Variants in PREX2 observed in about 807,000 individuals in gnomAD.
PREX2 encodes the protein phosphatidylinositol-3,4,5-trisphosphate dependent Rac exchange factor 2, also known as phosphatidylinositol 3,4,5-trisphosphate-dependent Rac exchanger 2 protein.
A neutral mutation model predicts 203.2 loss-of-function variants in PREX2; 107 were observed. The observed-to-expected ratio is 0.53, with a 90% CI of 0.45 to 0.62. The LOEUF (loss-of-function observed/expected upper bound fraction) is 0.62. Among genes scored for constraint, PREX2 ranks in the 20% least tolerant of loss-of-function variants. The pLI is 0.00. For missense variants in PREX2, 1,777 were observed against 1,955.9 expected, an observed-to-expected ratio of 0.91 and a Z score of 1.72; for synonymous variants, 672 against 663.6, an observed-to-expected ratio of 1.01 and a Z score of -0.19.
chr8:68,203,600 C>A (rs530279276), intron 37 of PREX2, among the ~76,000 whole-genome samples: 3 of 152,078 alleles, frequency 2.0e-5, no homozygotes, highest in Non-Finnish European at 2.9e-5. Context: ...AGCAGGTATT[C>A]CAGGAGCAGG....
At chr8:68,156,242 T>G (rs1333931589) in intron 34 of PREX2, among the ~76,000 whole-genome samples, 1 of 152,112 alleles carries the variant, frequency 6.6e-6, no homozygotes, top group Non-Finnish European at 1.5e-5. Flanking sequence ...TTAACTTTGT[T>G]TTTTTAGAGA....
intron 25 of PREX2, among the ~76,000 whole-genome samples, chr8:68,113,364 G>A (rs758175547): frequency 6.6e-6 from 1 of 151,838 alleles, no homozygotes; most frequent in Non-Finnish European, 1.5e-5. Flanking sequence ...GGCAAAATGA[G>A]AACTCCTGCA....
intron 35 of PREX2, chr8:68,177,296 A>T (rs896682013): frequency 1.3e-5 from 2 of 152,224 alleles, no homozygotes; most frequent in Admixed American, 6.5e-5. Context: ...GGTGGCTCAC[A>T]CCTGTAATCC....
At chr8:68,196,685 G>A (rs1302625735) in intron 37 of PREX2, among the ~76,000 whole-genome samples, 1 of 151,186 alleles carries the variant, frequency 6.6e-6, no homozygotes, top group Non-Finnish European at 1.5e-5. Context: ...ACCATCCCCA[G>A]TTTTCATGAG....
At chr8:68,073,299 T>TA (rs1809252208) in intron 14 of PREX2, among the ~76,000 whole-genome samples, 1 of 151,616 alleles carries the variant, frequency 6.6e-6, no homozygotes, top group Non-Finnish European at 1.5e-5. Flanking sequence ...TAACTGAACT[T>TA]ACTATTTTGG....
intron 35 of PREX2, among the ~76,000 whole-genome samples, chr8:68,173,329 A>G (rs867992444): frequency 4.9e-4 from 75 of 152,338 alleles, no homozygotes; most frequent in African/African-American, 1.8e-3. Flanking sequence ...ATTCATCAGC[A>G]TAGCCAAGGT....
chr8:68,018,200 G>A (rs116836742), intron 2 of PREX2, among the ~76,000 whole-genome samples: 1 of 151,998 alleles, frequency 6.6e-6, no homozygotes, highest in Non-Finnish European at 1.5e-5. Context: ...AGGTGTGGTG[G>A]CTTATGCCTG....
At chr8:68,003,097 T>C (rs1806990366) in intron 1 of PREX2, among the ~76,000 whole-genome samples, 2 of 152,216 alleles carry the variant, frequency 1.3e-5, no homozygotes, top group South Asian at 4.1e-4. Context: ...TTTTAAAAGA[T>C]TTCTGAAGAC....
At chr8:68,212,587 T>C (rs1812760069) in intron 37 of PREX2, among the ~76,000 whole-genome samples, 1 of 152,218 alleles carries the variant, frequency 6.6e-6, no homozygotes, top group Non-Finnish European at 1.5e-5. Context: ...CATTATAAAA[T>C]CCACAAAACA....
chr8:68,044,844 C>G (rs1808303962), intron 8 of PREX2, among the ~76,000 whole-genome samples: 1 of 151,890 alleles, frequency 6.6e-6, no homozygotes, highest in Non-Finnish European at 1.5e-5. Flanking sequence ...GAGTAGTGTC[C>G]CATGGCATTC....
chr8:68,229,167 T>C (rs1371266361), intron 39 of PREX2, among the ~76,000 whole-genome samples: 1 of 150,542 alleles, frequency 6.6e-6, no homozygotes, highest in Non-Finnish European at 1.5e-5. Context: ...AAAGGCACCA[T>C]CTATAGCATG....
chr8:68,158,361 A>T (rs569078330), intron 35 of PREX2, among the ~76,000 whole-genome samples: 2 of 152,056 alleles, frequency 1.3e-5, no homozygotes, highest in Non-Finnish European at 2.9e-5. Context: ...AGAACCTGAG[A>T]CAAAATTAGT....
intron 37 of PREX2, among the ~76,000 whole-genome samples, chr8:68,209,070 T>TAAAA (rs994362514): frequency 2.6e-5 from 3 of 115,046 alleles, no homozygotes; most frequent in East Asian, 2.4e-4. Context: ...TGGACTCATT[T>TAAAA]AAAAAAAAAA....
In PREX2 at chr8:67,996,465, A is replaced by G. The variant is rs151094526; in HGVS notation, c.142-21381A>G. 5.3e-3 allele frequency among the ~76,000 whole-genome samples: 814 copies of G among 152,152 alleles called. 4 individuals carry two copies. The highest frequency in any genetic ancestry group is 8.3e-3 in the Non-Finnish European group (564 of 68,004). ...TGCCTTGGCCCCTCAAAGTGCTGCT[A>G]TTATAGGCATGAGCCACCACACCTG... On this transcript the variant is annotated intron_variant, in intron 1 of 39. Transcript: ENST00000288368.
intron 9 of PREX2, 81 bp from the exon 10 acceptor site, chr8:68,055,749 A>T: frequency 7.6e-7 from 1 of 1,324,326 alleles, no homozygotes; most frequent in Non-Finnish European, 1.1e-6. Flanking sequence ...CCTGCAACAA[A>T]TGCTTGCTTA....
intron 23 of PREX2, among the ~76,000 whole-genome samples, chr8:68,101,759 A>T (rs929002652): frequency 4.6e-5 from 7 of 152,312 alleles, no homozygotes; most frequent in African/African-American, 1.7e-4. Flanking sequence ...TGGGTGTCAA[A>T]CTGGTCACCG....
intron 4 of PREX2, among the ~76,000 whole-genome samples, chr8:68,025,961 A>G (rs181950215): frequency 2.4e-4 from 37 of 152,250 alleles, no homozygotes; most frequent in African/African-American, 7.9e-4. Flanking sequence ...TGGCTGCTTT[A>G]CAGAGATGCT....
chr8:68,045,675 C>T (rs770962357), intron 8 of PREX2, among the ~76,000 whole-genome samples: 29 of 152,148 alleles, frequency 1.9e-4, no homozygotes, highest in South Asian at 6.2e-4. Flanking sequence ...TTGTGTTCAT[C>T]CAGTAGAGAG....
At chr8:67,996,876 C>A (rs1038790077) in intron 1 of PREX2, among the ~76,000 whole-genome samples, 1 of 152,080 alleles carries the variant, frequency 6.6e-6, no homozygotes, top group African/African-American at 2.4e-5. Flanking sequence ...ATGGTTCTGG[C>A]AACATAGTTA....
Sources: gnomAD v4.1 joint callset for allele counts (sites outside exome capture counted in the v4.1 genomes callset) on GRCh38, gnomAD v4.1.1 for gene constraint, MANE v1.5 for transcripts, NCBI Gene and HGNC (gene_info 2026-07-23, HGNC 2026-07-21) for gene names.